Variants in MZB1 observed in about 807,000 individuals in gnomAD.
MZB1 encodes the protein marginal zone B and B1 cell specific protein.
In MZB1, 10 loss-of-function variants were observed where a neutral mutation model predicts 17.2. The observed-to-expected ratio is 0.58, with a 90% CI of 0.36 to 0.98. MZB1 has a LOEUF of 0.98. Ranked by LOEUF, MZB1 falls within the 50% of genes least tolerant of loss-of-function variation. The probability of loss-of-function intolerance (pLI) is 0.01; values close to 1 mark genes in which losing one functional copy is unlikely to be tolerated. For synonymous variants in MZB1, 99 were observed against 98.7 expected, an observed-to-expected ratio of 1.00 and a Z score of -0.02; for missense variants, 246 against 237.5, an observed-to-expected ratio of 1.04 and a Z score of -0.23.
At position 139,388,007 on chromosome 5, in the gene MZB1, G is replaced by GC; in HGVS notation, c.413+13dup. 1.3e-6 allele frequency: 2 copies of GC among 1,566,260 alleles called. No homozygotes were observed. Among genetic ancestry groups the GC allele is most frequent in the Non-Finnish European group, 1.7e-6 (2 of 1,155,578 alleles). On this transcript the variant is annotated intron_variant, in intron 3 of 3. Transcript: ENST00000302125. ...TCCAGGAGCTTCATCCTATCCCCAAGCCCCGGGCATCACCTGGTAGGCCAG... is the reference window on the plus strand; with the variant it reads ...TCCAGGAGCTTCATCCTATCCCCAAGCCCCCGGGCATCACCTGGTAGGCCAG...
chr5:139,388,929 G>A (rs1758562697), intron 1 of MZB1: 1 of 217,422 alleles, frequency 4.6e-6, no homozygotes. Flanking sequence ...GGAGTGCAGT[G>A]GTACGATCTC....
Position 139,387,925 on chromosome 5 carries a change from G to A in MZB1, c.414-4C>T, listed in dbSNP as rs1440086006. Reference sequence around the variant, plus strand: ...GTGCAAACATGTCCTGGAGAGCCTAGGGGAGCCCAGCAGGAGCCTCAGATG... The same window carrying A: ...GTGCAAACATGTCCTGGAGAGCCTAAGGGAGCCCAGCAGGAGCCTCAGATG... On this transcript the variant is annotated splice_region_variant and splice_polypyrimidine_tract_variant and intron_variant, in intron 3 of 3. Coordinates refer to ENST00000302125, the MANE Select transcript of MZB1 (RefSeq NM_016459.4). 1 of 1,576,396 alleles carries A rather than the reference G, an allele frequency of 6.3e-7. No homozygotes were observed. The highest frequency in any genetic ancestry group is 1.4e-5 in the African/African-American group (1 of 73,346).
chr5:139,388,606 G>A (rs1001677169), intron 1 of MZB1, 21 bp from the exon 2 acceptor site: 3 of 1,601,934 alleles, frequency 1.9e-6, no homozygotes, highest in Non-Finnish European at 2.6e-6. Flanking sequence ...GAGGGACTGG[G>A]AGGCAGGGCC....
rs1242653673 is a variant in MZB1 at position 139,387,630 on chromosome 5, T to C, written c.*135A>G. 2 of 1,125,820 alleles carry C rather than the reference T, an allele frequency of 1.8e-6. No homozygotes were observed. Among genetic ancestry groups the C allele is most frequent in the Non-Finnish European group, 1.2e-6 (1 of 839,280 alleles). The allele number at this position is 1,125,820 out of a possible 1,614,324, so 69.7% of individuals were successfully genotyped here. On this transcript the variant is annotated 3_prime_UTR_variant, in exon 4 of 4. Coordinates refer to ENST00000302125, the MANE Select transcript of MZB1 (RefSeq NM_016459.4). ...GCGTTGACTCCCACCCAGGCCCGAG[T>C]GCCCTGAGGCTGGAGGAGGGAGGCA...
At chr5:139,389,304 A>G in intron 1 of MZB1, 1 of 449,236 alleles carries the variant, frequency 2.2e-6, no homozygotes, top group South Asian at 1.7e-5. Context: ...TGTGTGTGTG[A>G]AGCCAGACAC....
At chr5:139,389,517 G>A (rs1758574026) in intron 1 of MZB1, 163 bp downstream of exon 1, 1 of 889,468 alleles carries the variant, frequency 1.1e-6, no homozygotes, top group Admixed American at 2.0e-5. Context: ...GCAGGCAGAT[G>A]GGTAAACTGA....
Position 139,387,919 on chromosome 5 carries a change from A to G in MZB1, c.416T>C (p.Leu139Pro), listed in dbSNP as rs746720971. The change falls in exon 4 of 4, where the codon CTC becomes CCC. Residue 139 changes from leucine to proline, a missense_variant and splice_region_variant. By Grantham distance (98) the Leu-to-Pro change is moderately conservative. Transcript: ENST00000302125. Reference protein sequence around the residue: ...MVTGGPWPTRLSRTCLHYLGE... With the variant: ...MVTGGPWPTRPSRTCLHYLGE... ...CAAGTAGTGCAAACATGTCCTGGAG[A>G]GCCTAGGGGAGCCCAGCAGGAGCCT... 1.9e-6 allele frequency: 3 copies of G among 1,572,924 alleles called. No homozygotes were observed. Among genetic ancestry groups the G allele is most frequent in the Non-Finnish European group, 2.6e-6 (3 of 1,164,002 alleles).
At chr5:139,389,161 C>G (rs755864589) in intron 1 of MZB1, 102 of 295,278 alleles carry the variant, frequency 3.5e-4, no homozygotes, top group Non-Finnish European at 6.1e-4. Context: ...CGTGAGCCAC[C>G]GCGCCCGGCC....
chr5:139,389,663 A>C lies in MZB1; in HGVS notation c.177+17T>G. ...AGGGGTGTGAGCAGGGCAGGGTGAC[A>C]GTGGTGAAGGACTCACCTGGTAAGC... On this transcript the variant is annotated intron_variant, in intron 1 of 3. Transcript: ENST00000302125. 1 of 1,583,162 alleles carries C rather than the reference A, an allele frequency of 6.3e-7. No individual in the cohort carries two copies. The highest frequency in any genetic ancestry group is 8.6e-7 in the Non-Finnish European group (1 of 1,164,444).
chr5:139,387,861 G>A lies in MZB1; in HGVS notation c.474C>T (p.Ala158=), dbSNP rs767976441. 29 of 1,606,756 alleles carry A rather than the reference G, an allele frequency of 1.8e-5. No homozygotes were observed. Among genetic ancestry groups the A allele is most frequent in the Non-Finnish European group, 2.5e-5 (29 of 1,177,166 alleles). ...GEFGEDQIYE[A]HQQGRGALEA... ...CCAGAGCCCCTCGGCCTTGTTGGTG[G>A]GCTTCATAGATCTGGTCTTCTCCAA... The change falls in exon 4 of 4, where the codon GCC becomes GCT. Residue 158 remains alanine (A), a synonymous_variant. Coordinates refer to ENST00000302125, the MANE Select transcript of MZB1 (RefSeq NM_016459.4).
rs756199200 is a variant in MZB1, at chr5:139,388,574, AT to A, written c.188del (p.Asn63IlefsTer20). ...GAAGTTTGGTCTCTGCCTTTGCCAGATTTTGCCACATCTGGAACAAGGAGGG... is the reference window on the plus strand; with the variant it reads ...GAAGTTTGGTCTCTGCCTTTGCCAGATTTGCCACATCTGGAACAAGGAGGG... ...CRAVAYQMWQ[N>X]LAKAETKLHT... On this transcript the variant is annotated frameshift_variant, in exon 2 of 4. Transcript: ENST00000302125. LOFTEE classifies it high-confidence loss of function. The A allele has an allele frequency of 2.5e-6, 4 of 1,603,044 alleles. No homozygotes were observed. Among genetic ancestry groups the A allele is most frequent in the Non-Finnish European group, 3.4e-6 (4 of 1,174,830 alleles).
chr5:139,389,885 G>T lies in MZB1; in HGVS notation c.-29C>A. On this transcript the variant is annotated 5_prime_UTR_variant, in exon 1 of 4. Coordinates refer to ENST00000302125, the MANE Select transcript of MZB1 (RefSeq NM_016459.4). ...CCCAGGAGCCAGTTCAGCAAGTGTA[G>T]TCTGTGGTTGAGGTGCAGATGTGTG... 1 of 1,533,890 alleles carries T rather than the reference G, an allele frequency of 6.5e-7. No homozygotes were observed. The highest frequency in any genetic ancestry group is 1.4e-5 in the African/African-American group (1 of 73,106).
Position 139,387,618 on chromosome 5 carries a change from C to A in MZB1, c.*147G>T. 1.0e-6 allele frequency: 1 copy of A among 997,718 alleles called. No individual in the cohort carries two copies. Among genetic ancestry groups the A allele is most frequent in the Non-Finnish European group, 1.4e-6 (1 of 730,252 alleles). The allele number at this position is 997,718 out of a possible 1,614,324, so 61.8% of individuals were successfully genotyped here. On this transcript the variant is annotated 3_prime_UTR_variant, in exon 4 of 4. Coordinates refer to ENST00000302125, the MANE Select transcript of MZB1 (RefSeq NM_016459.4). ...CCAGAGGGGAAGGCGTTGACTCCCA[C>A]CCAGGCCCGAGTGCCCTGAGGCTGG...
In MZB1 at chr5:139,389,823, GC is replaced by G; in HGVS notation, c.33del (p.Leu12TrpfsTer71). On this transcript the variant is annotated frameshift_variant, in exon 1 of 4. Coordinates refer to ENST00000302125, the MANE Select transcript of MZB1 (RefSeq NM_016459.4). LOFTEE classifies it high-confidence loss of function. ...CCCCCTGGGATGGCCCAGGCTCCCA[GC>G]AGCAGCAGCAGCAGTGGCAGTGACA... MRLSLPLLLL[L>X]LGAWAIPGGL... 3 of 1,474,512 alleles carry G rather than the reference GC, an allele frequency of 2.0e-6. No individual in the cohort carries two copies. The highest frequency in any genetic ancestry group is 1.8e-6 in the Non-Finnish European group (2 of 1,101,682). 91.3% of individuals were successfully genotyped at this position (1,474,512 alleles called of 1,614,324 possible).
At chr5:139,389,616 G>A (rs1758575587) in intron 1 of MZB1, 64 bp downstream of exon 1, 1 of 1,517,062 alleles carries the variant, frequency 6.6e-7, no homozygotes, top group East Asian at 2.4e-5. Context: ...ATGTGAGGTG[G>A]GTGGAGGGGT....
Position 139,387,573 on chromosome 5 carries a change from T to C in MZB1, c.*192A>G, listed in dbSNP as rs1325888873. The C allele has an allele frequency of 2.1e-6, 1 of 483,102 alleles. No individual in the cohort carries two copies. The highest frequency in any genetic ancestry group is 3.3e-6 in the Non-Finnish European group (1 of 299,430). 29.9% of individuals were successfully genotyped at this position (483,102 alleles called of 1,614,324 possible). A position where few individuals can be genotyped will look rare whatever the true frequency, so the allele number is the denominator to read the frequency against. On this transcript the variant is annotated 3_prime_UTR_variant, in exon 4 of 4. Transcript: ENST00000302125. ...CCTTTTGCAGAGAAAAGAAGTGAGG[T>C]CACTGGGTTTTATTTGAGTCCAGAG... is the stretch of plus-strand genomic sequence containing the variant.
In MZB1 at chr5:139,387,724, A is replaced by C. The variant is rs199622423; in HGVS notation, c.*41T>G. 8.7e-6 allele frequency: 13 copies of C among 1,487,618 alleles called. No homozygotes were observed. In the African/African-American group the frequency reaches 1.7e-4, roughly 19 times the overall value. The allele number at this position is 1,487,618 out of a possible 1,614,324, so 92.2% of individuals were successfully genotyped here. ...TGCAGACGGGAGTGGAGACCGTCAGAGCAAGCCCCAGCTTCTTTCAGAGGA... is the reference window on the plus strand; with the variant it reads ...TGCAGACGGGAGTGGAGACCGTCAGCGCAAGCCCCAGCTTCTTTCAGAGGA... On this transcript the variant is annotated 3_prime_UTR_variant, in exon 4 of 4. Transcript: ENST00000302125.
Position 139,387,602 on chromosome 5 carries a change from A to T in MZB1, c.*163T>A, listed in dbSNP as rs1050881508. The T allele has an allele frequency of 1.3e-4, 88 of 683,596 alleles. 1 individual carries two copies. The highest frequency in any genetic ancestry group is 7.8e-5 in the Non-Finnish European group (36 of 463,668). 42.3% of individuals were successfully genotyped at this position (683,596 alleles called of 1,614,324 possible). On this transcript the variant is annotated 3_prime_UTR_variant, in exon 4 of 4. Transcript: ENST00000302125. ...TGGGTTTTATTTGAGTCCAGAGGGG[A>T]AGGCGTTGACTCCCACCCAGGCCCG...
Position 139,387,785 on chromosome 5 carries a change from C to G in MZB1, c.550G>C (p.Ala184Pro). Reference sequence around the variant, plus strand: ...CAGGACTAGAGCTCTTCTCTTGTGGCTGACACCTTCTCTGAGCAGGCCCCC... The same window carrying G: ...CAGGACTAGAGCTCTTCTCTTGTGGGTGACACCTTCTCTGAGCAGGCCCCC... ...PQGACSEKVS[A>P]TREEL Residue 184 changes from alanine to proline, a missense_variant, in exon 4 of 4, where the codon GCC becomes CCC. Ala to Pro is a conservative substitution (Grantham distance 27). Transcript: ENST00000302125. The G allele has an allele frequency of 6.4e-7, 1 of 1,551,154 alleles. No homozygotes were observed. The highest frequency in any genetic ancestry group is 8.6e-7 in the Non-Finnish European group (1 of 1,156,788).
Sources: allele counts gnomAD v4.1 joint callset, GRCh38; gene constraint gnomAD v4.1.1; transcripts MANE v1.5; gene names NCBI Gene and HGNC (gene_info 2026-07-23, HGNC 2026-07-21).